Variants in CACNA2D1 observed in about 807,000 individuals in gnomAD.
CACNA2D1 encodes the protein calcium voltage-gated channel auxiliary subunit alpha2delta 1.
CACNA2D1 carries 53 observed loss-of-function variants against 171.5 expected under a neutral mutation model. The observed-to-expected ratio is 0.31, with a 90% CI of 0.25 to 0.39. The LOEUF is 0.39. CACNA2D1 is among the 10% of genes least tolerant of loss of function. The probability of loss-of-function intolerance (pLI) is 1.00; values close to 1 mark genes in which losing one functional copy is unlikely to be tolerated. For synonymous variants in CACNA2D1, 442 were observed against 443.1 expected (o/e 1.00, Z 0.03); for missense variants, 903 against 1,299.8 (o/e 0.69, Z 4.69).
chr7:81,983,258 G>A (rs370766840), intron 23 of CACNA2D1, 56 bp downstream of exon 23: 3 of 1,421,438 alleles, frequency 2.1e-6, no homozygotes, highest in African/African-American at 1.4e-5. Flanking sequence ...GAAAATATCA[G>A]TGGAAATGTC....
intron 3 of CACNA2D1, among the ~76,000 whole-genome samples, chr7:82,210,583 CTG>C (rs142220695): frequency 0.019 from 2,925 of 152,252 alleles, 47 homozygotes; most frequent in Admixed American, 0.027. Flanking sequence ...GGAAATTGCA[CTG>C]TGTCTGGGTA....
At chr7:82,102,475 T>C (rs1812791289) in intron 6 of CACNA2D1, among the ~76,000 whole-genome samples, 1 of 151,754 alleles carries the variant, frequency 6.6e-6, no homozygotes, top group African/African-American at 2.4e-5. Flanking sequence ...CATGCATATA[T>C]ACATATATAT....
At chr7:82,277,249 C>T (rs183865240) in intron 3 of CACNA2D1, among the ~76,000 whole-genome samples, 94 of 152,224 alleles carry the variant, frequency 6.2e-4, no homozygotes, top group African/African-American at 2.2e-3. Context: ...GTCGCCCAGG[C>T]TGTAGTGCAG....
At chr7:82,133,555 TACC>T (rs2129073311) in intron 5 of CACNA2D1, among the ~76,000 whole-genome samples, 1 of 152,276 alleles carries the variant, frequency 6.6e-6, no homozygotes, top group Non-Finnish European at 1.5e-5. Flanking sequence ...TGTCAAAAAT[TACC>T]ACTTTTGGGA....
intron 12 of CACNA2D1, among the ~76,000 whole-genome samples, chr7:82,021,386 A>G (rs530030843): frequency 4.9e-4 from 75 of 152,244 alleles, no homozygotes; most frequent in Non-Finnish European, 8.8e-4. Context: ...TACTTATAAG[A>G]TGACATATAT....
intron 38 of CACNA2D1, among the ~76,000 whole-genome samples, chr7:81,957,047 T>C (rs771114366): frequency 6.6e-6 from 1 of 152,126 alleles, no homozygotes; most frequent in Non-Finnish European, 1.5e-5. Context: ...TCTAAAAAGT[T>C]ATTTAAGTCA....
intron 11 of CACNA2D1, among the ~76,000 whole-genome samples, chr7:82,034,676 G>C (rs1474132792): frequency 6.6e-6 from 1 of 151,894 alleles, no homozygotes; most frequent in Non-Finnish European, 1.5e-5. Flanking sequence ...GTGTAAAATA[G>C]TCAAAATAAT....
At chr7:82,038,363 G>C in intron 10 of CACNA2D1, 128 bp from the exon 11 acceptor site, 1 of 792,416 alleles carries the variant, frequency 1.3e-6, no homozygotes, top group Non-Finnish European at 2.0e-6. Flanking sequence ...AAAGTGAGTA[G>C]GCTGGTGACA....
At chr7:82,278,048 A>C (rs1809588650) in intron 3 of CACNA2D1, among the ~76,000 whole-genome samples, 1 of 152,096 alleles carries the variant, frequency 6.6e-6, no homozygotes, top group Non-Finnish European at 1.5e-5. Context: ...CACCCAGCCT[A>C]TAACTGAATT....
chr7:82,212,530 T>C (rs548826369), intron 3 of CACNA2D1, among the ~76,000 whole-genome samples: 1 of 152,330 alleles, frequency 6.6e-6, no homozygotes, highest in East Asian at 1.9e-4. Flanking sequence ...AGTTACTATG[T>C]GCTATCTTTT....
At chr7:82,367,054 G>C (rs975701769) in intron 1 of CACNA2D1, among the ~76,000 whole-genome samples, 1 of 151,410 alleles carries the variant, frequency 6.6e-6, no homozygotes, top group Non-Finnish European at 1.5e-5. Context: ...CTACAGATAT[G>C]TACCACCATG....
intron 3 of CACNA2D1, among the ~76,000 whole-genome samples, chr7:82,175,202 A>G (rs576071548): frequency 4.6e-5 from 7 of 152,184 alleles, no homozygotes; most frequent in Non-Finnish European, 7.4e-5. Flanking sequence ...CAGGGATCAT[A>G]TAACAGTTCA....
At chr7:82,055,930 G>GTGTGTATATATATATATATATATATATA (rs71093357) in intron 10 of CACNA2D1, among the ~76,000 whole-genome samples, 1 of 111,472 alleles carries the variant, frequency 9.0e-6, no homozygotes, top group African/African-American at 3.6e-5. Flanking sequence ...GTGTGTGTGT[G>GTGTGTATATATATATATATATATATATA]TATATATATA....
chr7:82,198,442 C>A (rs1799068242), intron 3 of CACNA2D1, among the ~76,000 whole-genome samples: 1 of 152,090 alleles, frequency 6.6e-6, no homozygotes, highest in African/African-American at 2.4e-5. Flanking sequence ...GCAGTGATTT[C>A]TTTGCTGCAT....
chr7:82,050,836 T>G (rs1031298928), intron 10 of CACNA2D1: 10 of 513,852 alleles, frequency 1.9e-5, no homozygotes, highest in African/African-American at 1.9e-4. Flanking sequence ...TTTCAGCAAG[T>G]TAAATTATCC....
At chr7:82,165,593 G>A (rs183411483) in intron 4 of CACNA2D1, among the ~76,000 whole-genome samples, 108 of 151,940 alleles carry the variant, frequency 7.1e-4, no homozygotes, top group African/African-American at 2.1e-3. Context: ...GCATTTATAC[G>A]TATGCATGAA....
chr7:82,126,159 T>G (rs1790314505), intron 5 of CACNA2D1, among the ~76,000 whole-genome samples: 1 of 152,186 alleles, frequency 6.6e-6, no homozygotes, highest in Admixed American at 6.5e-5. Context: ...AGAGAGATTA[T>G]GTGATCTTGC....
rs1213194213 is a variant in CACNA2D1, at chr7:81,959,714, G to A, written c.3076+6C>T. On this transcript the variant is annotated splice_donor_region_variant and intron_variant, in intron 37 of 38. Coordinates refer to ENST00000356860, the MANE Select transcript of CACNA2D1 (RefSeq NM_000722.4). Reference sequence around the variant, plus strand: ...CTTTCCAGATAGCTCTGATGTCAAAGGATACAAGTCTGCTCCGCTTGTATG... The same window carrying A: ...CTTTCCAGATAGCTCTGATGTCAAAAGATACAAGTCTGCTCCGCTTGTATG... The A allele has an allele frequency of 6.2e-7, 1 of 1,610,366 alleles. No homozygotes were observed. Among genetic ancestry groups the A allele is most frequent in the Non-Finnish European group, 8.5e-7 (1 of 1,177,596 alleles).
chr7:82,100,105 T>C (rs1812495267), intron 6 of CACNA2D1, among the ~76,000 whole-genome samples: 1 of 152,130 alleles, frequency 6.6e-6, no homozygotes, highest in Non-Finnish European at 1.5e-5. Context: ...AAAAATTTAG[T>C]TCTGATACAT....
Sources: gnomAD v4.1 joint callset for allele counts (sites outside exome capture counted in the v4.1 genomes callset) on GRCh38, gnomAD v4.1.1 for gene constraint, MANE v1.5 for transcripts, NCBI Gene and HGNC (gene_info 2026-07-23, HGNC 2026-07-21) for gene names.